Variants in COL12A1 observed in about 807,000 individuals in gnomAD.
COL12A1 encodes the protein collagen type XII alpha 1 chain.
A neutral mutation model predicts 349.7 loss-of-function variants in COL12A1; 114 were observed. The ratio of observed to expected loss-of-function variants is 0.33; its 90% confidence interval spans 0.28 to 0.38. The LOEUF is 0.38. Ranked by LOEUF, COL12A1 falls within the 10% of genes least tolerant of loss-of-function variation. COL12A1 has a pLI of 1.00. For missense variants in COL12A1, 3,284 were observed against 3,756.9 expected, an observed-to-expected ratio of 0.87 and a Z score of 3.29; for synonymous variants, 1,369 against 1,329.0, an observed-to-expected ratio of 1.03 and a Z score of -0.66.
chr6:75,193,771 C>T (rs1400821494), intron 3 of COL12A1, among the ~76,000 whole-genome samples: 2 of 151,500 alleles, frequency 1.3e-5, no homozygotes, highest in East Asian at 3.9e-4. Context: ...GTTCCCCTTC[C>T]TGTGTCCAAG....
At chr6:75,157,198 T>C (rs1767808781) in intron 14 of COL12A1, among the ~76,000 whole-genome samples, 1 of 152,170 alleles carries the variant, frequency 6.6e-6, no homozygotes, top group Non-Finnish European at 1.5e-5. Context: ...AATAACGCTA[T>C]ATGAAATAAG....
rs372150354 is a variant in COL12A1 at position 75,165,635 on chromosome 6, T to C, written c.2855A>G (p.Asn952Ser). Reference sequence around the variant, plus strand: ...CGTATGAATTGCATCTTCAGGCAGATTTTTCTCTCCAGTGTCAACATCATC... The same window carrying C: ...CGTATGAATTGCATCTTCAGGCAGACTTTTCTCTCCAGTGTCAACATCATC... ...LYDDVDTGEKNLPEDAIHTMI... is the reference protein window; with the variant it reads ...LYDDVDTGEKSLPEDAIHTMI... The change falls in exon 14 of 66, where the codon AAT (asparagine) becomes AGT (serine). Residue 952 changes from asparagine (N) to serine (S), a missense_variant. By Grantham distance (46) the Asn-to-Ser change is conservative (BLOSUM62 1). Around this residue, in one of 2 missense-constraint regions of COL12A1, gnomAD observed 2,601 missense variants for 2,824.8 expected, o/e 0.92. Coordinates refer to ENST00000322507, the MANE Select transcript of COL12A1 (RefSeq NM_004370.6). 6.2e-7 allele frequency: 1 copy of C among 1,613,964 alleles called. No homozygotes were observed. The highest frequency in any genetic ancestry group is 8.5e-7 in the Non-Finnish European group (1 of 1,179,906).
At position 75,126,292 on chromosome 6, in the gene COL12A1, A is replaced by T; in HGVS notation, c.6460+59T>A. On this transcript the variant is annotated intron_variant, in intron 39 of 65. Coordinates refer to ENST00000322507, the MANE Select transcript of COL12A1 (RefSeq NM_004370.6). ...AACAGTGGGGGATGAAAGAGAAAAT[A>T]CCCTCATATGCAAATAACCCTCCAA... The T allele has an allele frequency of 8.4e-6, 13 of 1,555,632 alleles. No individual in the cohort carries two copies. The South Asian group carries it at 1.5e-4, about 18-fold the overall frequency.
chr6:75,106,886 C>CTTTTTCT (rs1562125061), intron 52 of COL12A1, among the ~76,000 whole-genome samples: 4 of 47,436 alleles, frequency 8.4e-5, no homozygotes, highest in African/African-American at 2.0e-4. Context: ...TTTTTTTTTT[C>CTTTTTCT]TTTTTTCTTT....
intron 13 of COL12A1, among the ~76,000 whole-genome samples, chr6:75,170,952 TAAA>T (rs1198742635): frequency 6.6e-6 from 1 of 152,206 alleles, no homozygotes; most frequent in African/African-American, 2.4e-5. Context: ...AAGGAAATTC[TAAA>T]AAGTCATATT....
chr6:75,173,365 G>C (rs1768740556), intron 13 of COL12A1, among the ~76,000 whole-genome samples: 1 of 151,816 alleles, frequency 6.6e-6, no homozygotes. Flanking sequence ...TTTAACTCTT[G>C]ATCACTATTA....
rs375778726 is a variant in COL12A1 at position 75,189,681 on chromosome 6, T to A, written c.529A>T (p.Thr177Ser). The change falls in exon 6 of 66, where the codon ACA (threonine) becomes TCA (serine). Residue 177 changes from threonine (T) to serine (S), a missense_variant. Coordinates refer to ENST00000322507, the MANE Select transcript of COL12A1 (RefSeq NM_004370.6). ...VSAFDIGEEK[T>S]RVGVVQYSSD... ...CTGTATTGAACAACTCCAACTCTTG[T>A]CTTCTCTTCCCCAATGTCAAAAGCA... is the stretch of plus-strand genomic sequence containing the variant. The A allele has an allele frequency of 1.2e-6, 2 of 1,613,484 alleles. No homozygotes were observed. The highest frequency in any genetic ancestry group is 1.7e-6 in the Non-Finnish European group (2 of 1,179,510).
intron 30 of COL12A1, 89 bp downstream of exon 30, chr6:75,138,231 C>T (rs1225767109): frequency 4.7e-6 from 6 of 1,289,480 alleles, no homozygotes; most frequent in Non-Finnish European, 2.2e-6. Context: ...AAGCAGATGA[C>T]CTATTTATTA....
At chr6:75,088,955 C>T (rs1767629927) in intron 64 of COL12A1, 151 bp downstream of exon 64, 2 of 618,402 alleles carry the variant, frequency 3.2e-6, no homozygotes, top group Admixed American at 6.7e-5. Flanking sequence ...GAGCCAAGAT[C>T]GCGCCACTGC....
Position 75,189,834 on chromosome 6 carries a change from C to A in COL12A1, c.395-19G>T, listed in dbSNP as rs565833825. On this transcript the variant is annotated intron_variant, in intron 5 of 65. Coordinates refer to ENST00000322507, the MANE Select transcript of COL12A1 (RefSeq NM_004370.6). ...GAGCATTCTGAAATACATTTGATAT[C>A]TTTTTAAATGATGCTTTATTAAATC... 22 of 1,605,042 alleles carry A rather than the reference C, an allele frequency of 1.4e-5. No homozygotes were observed. In the Admixed American group the frequency reaches 2.2e-4, roughly 16 times the overall value.
At chr6:75,151,077 A>G in intron 21 of COL12A1, 64 bp downstream of exon 21, 3 of 663,046 alleles carry the variant, frequency 4.5e-6, no homozygotes, top group South Asian at 3.5e-5. Flanking sequence ...CCCACCCAAA[A>G]GAATAATTAT....
At chr6:75,160,054 G>T (rs1337853538) in intron 14 of COL12A1, among the ~76,000 whole-genome samples, 1 of 151,318 alleles carries the variant, frequency 6.6e-6, no homozygotes, top group Non-Finnish European at 1.5e-5. Flanking sequence ...CTGGATTTTA[G>T]GGAGAAAAAA....
At chr6:75,173,445 C>G (rs536619366) in intron 13 of COL12A1, among the ~76,000 whole-genome samples, 3 of 151,812 alleles carry the variant, frequency 2.0e-5, no homozygotes, top group Non-Finnish European at 4.4e-5. Flanking sequence ...GGTGCAATCT[C>G]GGCTCACTGC....
rs535965773 is a variant in COL12A1, at chr6:75,143,236, A to G, written c.4827+16T>C. On this transcript the variant is annotated intron_variant, in intron 26 of 65. Coordinates refer to ENST00000322507, the MANE Select transcript of COL12A1 (RefSeq NM_004370.6). Reference sequence around the variant, plus strand: ...GAAAACAAATATTTTCATATCTACTATCATCTTCAACCTACCTCTTTGACA... The same window carrying G: ...GAAAACAAATATTTTCATATCTACTGTCATCTTCAACCTACCTCTTTGACA... 1.4e-5 allele frequency: 23 copies of G among 1,613,068 alleles called. No homozygotes were observed. The East Asian group carries it at 2.5e-4, about 17-fold the overall frequency.
chr6:75,193,629 G>A (rs1233462474), intron 3 of COL12A1, among the ~76,000 whole-genome samples: 3 of 152,026 alleles, frequency 2.0e-5, no homozygotes, highest in East Asian at 3.9e-4. Context: ...TGTGCACAAC[G>A]TGCAGGTTTG....
rs147792549 is a variant in COL12A1, at chr6:75,137,226, C to T, written c.5394+211G>A. Among the ~76,000 whole-genome samples, 705 of 152,220 alleles carry T rather than the reference C, an allele frequency of 4.6e-3. 5 individuals are homozygous for T. The highest frequency in any genetic ancestry group is 0.016 in the African/African-American group (658 of 41,532). On this transcript the variant is annotated intron_variant, in intron 31 of 65. Coordinates refer to ENST00000322507, the MANE Select transcript of COL12A1 (RefSeq NM_004370.6). Reference sequence around the variant, plus strand: ...CATGCTTTGGGGCTGTAATGAAGAACAACTATCATCTCTCATGAGAACATC... The same window carrying T: ...CATGCTTTGGGGCTGTAATGAAGAATAACTATCATCTCTCATGAGAACATC...
chr6:75,201,270 T>C (rs1180267552), intron 2 of COL12A1, among the ~76,000 whole-genome samples: 1 of 152,120 alleles, frequency 6.6e-6, no homozygotes, highest in African/African-American at 2.4e-5. Context: ...AACAACGACA[T>C]AGAAAGGAAC....
At chr6:75,181,491 T>G (rs1769289254) in intron 10 of COL12A1, among the ~76,000 whole-genome samples, 1 of 152,212 alleles carries the variant, frequency 6.6e-6, no homozygotes. Flanking sequence ...TTTGAGATTC[T>G]TAAAGCAGTC....
At chr6:75,108,378 G>T (rs1768671109) in intron 52 of COL12A1, among the ~76,000 whole-genome samples, 1 of 152,082 alleles carries the variant, frequency 6.6e-6, no homozygotes, top group African/African-American at 2.4e-5. Context: ...ATGAGCAATG[G>T]TGCCTGGCTT....
Sources: gnomAD v4.1 joint callset for allele counts (sites outside exome capture counted in the v4.1 genomes callset) on GRCh38, gnomAD v4.1.1 for gene constraint, gnomAD v4.1.1 regional missense constraint, MANE v1.5 for transcripts, NCBI Gene and HGNC (gene_info 2026-07-23, HGNC 2026-07-21) for gene names.